HIRA: variants seen among roughly 807,000 people sequenced by gnomAD.
HIRA encodes the protein histone cell cycle regulator.
In HIRA, 13 loss-of-function variants were observed where a neutral mutation model predicts 126.6. The observed-to-expected ratio is 0.10, with a 90% confidence interval of 0.07 to 0.16. The LOEUF is 0.16. HIRA is among the 10% of genes least tolerant of loss of function. The pLI, the probability that HIRA is intolerant of heterozygous loss-of-function variation, is 1.00. For missense variants in HIRA, 834 were observed against 1,314.4 expected, an observed-to-expected ratio of 0.63 and a Z score of 5.65; for synonymous variants, 511 against 520.0, an observed-to-expected ratio of 0.98 and a Z score of 0.24.
chr22:19,421,848 T>A (rs1483732299), intron 1 of HIRA, among the ~76,000 whole-genome samples: 8 of 152,172 alleles, frequency 5.3e-5, no homozygotes, highest in African/African-American at 1.7e-4. Flanking sequence ...ATTTTTGTAT[T>A]TTTAGTAGAG....
chr22:19,372,664 C>T (rs1046158734), intron 15 of HIRA, among the ~76,000 whole-genome samples: 3 of 151,574 alleles, frequency 2.0e-5, no homozygotes, highest in African/African-American at 4.9e-5. Context: ...CTCTGTCCCC[C>T]GAGTTTAAGT....
rs971422930 is a variant in HIRA, at chr22:19,335,537, G to A, written c.2938-3981C>T. ...TGGGATTACAGGCGTGAGCCACCGC[G>A]CCGAACGAGAACTTTTTTACATTTT... On this transcript the variant is annotated intron_variant, in intron 24 of 24. Transcript: ENST00000263208. 8.5e-5 allele frequency among the ~76,000 whole-genome samples: 13 copies of A among 152,256 alleles called. No homozygotes were observed. The East Asian group carries it at 2.1e-3, about 25-fold the overall frequency.
At position 19,331,217 on chromosome 22, in the gene HIRA, G is replaced by C. The variant is rs1003461052; in HGVS notation, c.*223C>G. ...AGCTCCAGCCCTAGCTCCGCATCGG[G>C]GGCTTGGAGGGAGGGATGAGCTTCC... On this transcript the variant is annotated 3_prime_UTR_variant, in exon 25 of 25. Coordinates refer to ENST00000263208, the MANE Select transcript of HIRA (RefSeq NM_003325.4). 5.5e-6 allele frequency: 8 copies of C among 1,467,298 alleles called. No individual in the cohort carries two copies. Among genetic ancestry groups the C allele is most frequent in the Admixed American group, 2.1e-5 (1 of 48,592 alleles). 90.9% of individuals were successfully genotyped at this position (1,467,298 alleles called of 1,614,324 possible). A position where few individuals can be genotyped will look rare whatever the true frequency, so the allele number is the denominator to read the frequency against.
intron 1 of HIRA, among the ~76,000 whole-genome samples, chr22:19,423,486 C>T (rs1190413819): frequency 1.1e-5 from 1 of 92,418 alleles, no homozygotes; most frequent in Non-Finnish European, 2.3e-5. Context: ...CATGCATACA[C>T]ACACACACAC....
rs782205302 is a variant in HIRA at position 19,351,467 on chromosome 22, AAAC to A, written c.2849-24_2849-22del. 8.6e-5 allele frequency: 134 copies of A among 1,553,912 alleles called. No individual in the cohort carries two copies. The highest frequency in any genetic ancestry group is 5.1e-4 in the Middle Eastern group (3 of 5,918). On this transcript the variant is annotated intron_variant, in intron 23 of 24. Transcript: ENST00000263208. The surrounding 1 kb of genome is among the most constrained non-coding windows in gnomAD (Gnocchi z 4.8). ...AAACCCTAATTACAGAAAAACAAAC[AAAC>A]AACAACAACAAAAAACAAAACAGAA...
At chr22:19,414,246 C>T (rs1180135980) in intron 1 of HIRA, among the ~76,000 whole-genome samples, 1 of 152,184 alleles carries the variant, frequency 6.6e-6, no homozygotes, top group Admixed American at 6.5e-5. Flanking sequence ...AGCACAAATG[C>T]TTTCCACCTG....
chr22:19,421,023 C>T (rs1365083570), intron 1 of HIRA, among the ~76,000 whole-genome samples: 6 of 152,080 alleles, frequency 3.9e-5, no homozygotes, highest in South Asian at 2.1e-4. Flanking sequence ...GCAGGCTGGG[C>T]GCAGTGGCTC....
At chr22:19,361,019 CAA>C (rs2088858383) in intron 17 of HIRA, among the ~76,000 whole-genome samples, 1 of 152,218 alleles carries the variant, frequency 6.6e-6, no homozygotes, top group Admixed American at 6.5e-5. Flanking sequence ...ATCCCAAGGG[CAA>C]AGCCAGACAG....
intron 15 of HIRA, among the ~76,000 whole-genome samples, chr22:19,364,317 C>A (rs1475035419): frequency 6.6e-6 from 1 of 152,162 alleles, no homozygotes; most frequent in East Asian, 1.9e-4. Context: ...GGAGTCAATT[C>A]TTCAAGAAGA....
chr22:19,348,573 G>A lies in HIRA; in HGVS notation c.2937+2785C>T, dbSNP rs188750815. Among the ~76,000 whole-genome samples the A allele has an allele frequency of 1.5e-3, 221 of 151,496 alleles. 2 individuals are homozygous for A. The highest frequency in any genetic ancestry group is 5.2e-3 in the African/African-American group (214 of 41,258). ...TGCAATGGCGCGATCTCGGCTCACT[G>A]CAACCTCCGCCTCCTGGGTTCAAGT... On this transcript the variant is annotated intron_variant, in intron 24 of 24. Coordinates refer to ENST00000263208, the MANE Select transcript of HIRA (RefSeq NM_003325.4).
At chr22:19,362,024 T>G in intron 15 of HIRA, 93 bp from the exon 16 acceptor site, 1 of 1,197,968 alleles carries the variant, frequency 8.3e-7, no homozygotes, top group Non-Finnish European at 1.2e-6. Context: ...ACAAACCTCT[T>G]GCCAACCTAG....
intron 2 of HIRA, 32 bp from the exon 3 acceptor site, chr22:19,408,625 G>C (rs1421356556): frequency 3.3e-6 from 4 of 1,226,046 alleles, no homozygotes; most frequent in Non-Finnish European, 4.8e-6. Context: ...GGCTGAATGT[G>C]CAAGGAGTAG....
chr22:19,354,268 C>T (rs532541918), intron 21 of HIRA, 150 bp from the exon 22 acceptor site: 28 of 693,560 alleles, frequency 4.0e-5, no homozygotes, highest in African/African-American at 2.9e-4. Flanking sequence ...CCTGCACTTC[C>T]GCACAGGCGC....
At chr22:19,375,405 C>T (rs1338346411) in intron 15 of HIRA, among the ~76,000 whole-genome samples, 1 of 152,230 alleles carries the variant, frequency 6.6e-6, no homozygotes, top group Non-Finnish European at 1.5e-5. Flanking sequence ...GGTTCTTTTG[C>T]CGCGTCCTCC....
At chr22:19,347,490 A>C (rs192289932) in intron 24 of HIRA, among the ~76,000 whole-genome samples, 1 of 152,350 alleles carries the variant, frequency 6.6e-6, no homozygotes, top group African/African-American at 2.4e-5. Context: ...AACAAAGAAA[A>C]AAAGGTGGAC....
intron 13 of HIRA, among the ~76,000 whole-genome samples, chr22:19,379,135 CT>C (rs1051436545): frequency 2.0e-5 from 3 of 151,630 alleles, no homozygotes; most frequent in African/African-American, 7.3e-5. Context: ...TCACGCCATT[CT>C]CCTGCCTCAG....
intron 15 of HIRA, among the ~76,000 whole-genome samples, chr22:19,369,842 T>C (rs1277000731): frequency 6.6e-6 from 1 of 152,096 alleles, no homozygotes. Flanking sequence ...TGAGGCAGAA[T>C]TGCTTGAGCC....
chr22:19,389,656 T>A (rs1374591477), intron 9 of HIRA, among the ~76,000 whole-genome samples: 1 of 152,088 alleles, frequency 6.6e-6, no homozygotes, highest in Non-Finnish European at 1.5e-5. Flanking sequence ...TAAATGTGCC[T>A]ACAGACCCCT....
At position 19,366,279 on chromosome 22, in the gene HIRA, G is replaced by A. The variant is rs184461700; in HGVS notation, c.1776-4348C>T. Among the ~76,000 whole-genome samples the A allele has an allele frequency of 7.9e-5, 12 of 151,768 alleles. No homozygotes were observed. In the South Asian group the frequency reaches 1.7e-3, roughly 21 times the overall value. On this transcript the variant is annotated intron_variant, in intron 15 of 24. Transcript: ENST00000263208. ...TGGGAGGCTGAGGCAGGAGAATGGC[G>A]TGAACCCGGGAGGTGGAGCTTGCAG...
Sources: allele counts gnomAD v4.1 joint callset (sites outside exome capture counted in the v4.1 genomes callset), GRCh38; gene constraint gnomAD v4.1.1; non-coding constraint Gnocchi (gnomAD v3.1); transcripts MANE v1.5; gene names NCBI Gene and HGNC (gene_info 2026-07-23, HGNC 2026-07-21).